PDE4D: variants seen among roughly 807,000 people sequenced by gnomAD.
PDE4D encodes phosphodiesterase 4D, also known as 3',5'-cyclic-AMP phosphodiesterase 4D.
PDE4D carries 24 observed loss-of-function variants against 87.4 expected under a neutral mutation model. The observed-to-expected ratio is 0.27, with a 90% CI of 0.20 to 0.39. The LOEUF (loss-of-function observed/expected upper bound fraction) is 0.39, where lower values mean the gene tolerates loss of function less well. PDE4D is among the 10% of genes least tolerant of loss of function. The pLI is 1.00. For missense variants in PDE4D, 714 were observed against 1,041.0 expected (o/e 0.69, Z 4.32); for synonymous variants, 384 against 383.2 (o/e 1.00, Z -0.02).
At position 59,680,108 on chromosome 5, in the gene PDE4D, C is replaced by T. The variant is rs377031810; in HGVS notation, c.455+213060G>A. On this transcript the variant is annotated intron_variant, in intron 1 of 14. Coordinates refer to ENST00000340635, the MANE Select transcript of PDE4D (RefSeq NM_001104631.2). The stretch of plus-strand genomic sequence containing the variant: ...TTAATTCCTTTTTTGAAACAAAAAG[C>T]ATAAAAAATACATAATTAATGGCAT... Among the ~76,000 whole-genome samples, 29 of 152,138 alleles carry T rather than the reference C, an allele frequency of 1.9e-4. No individual in the cohort carries two copies. In the East Asian group the frequency reaches 2.9e-3, roughly 15 times the overall value.
At position 59,623,024 on chromosome 5, in the gene PDE4D, T is replaced by C. The variant is rs1265296836; in HGVS notation, c.455+270144A>G. Among the ~76,000 whole-genome samples, 4 of 152,222 alleles carry C rather than the reference T, an allele frequency of 2.6e-5. No homozygotes were observed. In the South Asian group the frequency reaches 6.2e-4, roughly 24 times the overall value. On this transcript the variant is annotated intron_variant, in intron 1 of 14. Coordinates refer to ENST00000340635, the MANE Select transcript of PDE4D (RefSeq NM_001104631.2). ...ATGATGACACTGATTGTGAGATGCATTATTAATTGCTTAATGGTTTTTCAG... is the reference window on the plus strand; with the variant it reads ...ATGATGACACTGATTGTGAGATGCACTATTAATTGCTTAATGGTTTTTCAG...
intron 1 of PDE4D, among the ~76,000 whole-genome samples, chr5:60,358,906 G>C (rs545243134): frequency 6.6e-6 from 1 of 152,258 alleles, no homozygotes; most frequent in East Asian, 1.9e-4. Context: ...ACAAACAGAA[G>C]CAAGTTTTTA....
intron 1 of PDE4D, among the ~76,000 whole-genome samples, chr5:59,682,318 C>T (rs1220096214): frequency 6.6e-6 from 1 of 152,102 alleles, no homozygotes; most frequent in African/African-American, 2.4e-5. Context: ...ACCACTTGAA[C>T]TAAATGATCA....
intron 1 of PDE4D, among the ~76,000 whole-genome samples, chr5:59,690,140 G>T (rs1364332948): frequency 1.3e-5 from 2 of 152,114 alleles, no homozygotes; most frequent in Admixed American, 1.3e-4. Context: ...TGGCCACACT[G>T]CCCAAGGTAA....
chr5:59,156,995 C>A (rs1780334734), intron 5 of PDE4D: 2 of 208,936 alleles, frequency 9.6e-6, no homozygotes, highest in South Asian at 2.5e-4. Context: ...AAAGTCAAAT[C>A]TTGGATTTCT....
At chr5:59,323,982 C>T (rs148568259) in intron 1 of PDE4D, among the ~76,000 whole-genome samples, 2 of 152,218 alleles carry the variant, frequency 1.3e-5, no homozygotes, top group African/African-American at 4.8e-5. Context: ...AATTTTTCTG[C>T]ATCTCCCCAA....
intron 1 of PDE4D, among the ~76,000 whole-genome samples, chr5:59,224,478 T>C (rs1055076858): frequency 6.6e-6 from 1 of 152,138 alleles, no homozygotes; most frequent in Admixed American, 6.6e-5. Flanking sequence ...TAGCATGAGT[T>C]TGATGTCTGG....
intron 1 of PDE4D, among the ~76,000 whole-genome samples, chr5:59,504,161 G>A (rs186578567): frequency 3.3e-5 from 5 of 152,190 alleles, no homozygotes; most frequent in Admixed American, 3.3e-4. Context: ...ATTAACACTT[G>A]GCCTATGAGA....
chr5:58,980,182 T>C lies in PDE4D; in HGVS notation c.1553-2837A>G, dbSNP rs576640073. Among the ~76,000 whole-genome samples the C allele has an allele frequency of 5.3e-5, 8 of 152,306 alleles. No individual in the cohort carries two copies. The East Asian group carries it at 1.4e-3, about 26-fold the overall frequency. On this transcript the variant is annotated intron_variant, in intron 11 of 14. Transcript: ENST00000340635. ...TGTGTCCTTGGGATAGGCTGGGGGA[T>C]AGAAAATGTCCCTTGGGGACATCTT...
At chr5:60,381,364 G>A (rs1395235760) in intron 1 of PDE4D, among the ~76,000 whole-genome samples, 1 of 152,212 alleles carries the variant, frequency 6.6e-6, no homozygotes, top group East Asian at 1.9e-4. Flanking sequence ...AAAACTTTTA[G>A]AAGCTTGCAC....
chr5:59,491,856 C>T (rs1806269595), intron 1 of PDE4D, among the ~76,000 whole-genome samples: 1 of 152,146 alleles, frequency 6.6e-6, no homozygotes, highest in Admixed American at 6.5e-5. Context: ...GTTGCCCAGG[C>T]AAGAAGCAGA....
chr5:60,262,818 G>T (rs528780090), intron 1 of PDE4D, among the ~76,000 whole-genome samples: 3 of 152,090 alleles, frequency 2.0e-5, no homozygotes, highest in African/African-American at 7.2e-5. Flanking sequence ...TCACACTAAG[G>T]GTGGGGATAG....
intron 1 of PDE4D, among the ~76,000 whole-genome samples, chr5:60,432,409 T>C (rs546147555): frequency 2.0e-5 from 3 of 152,306 alleles, no homozygotes; most frequent in Admixed American, 1.3e-4. Context: ...TGGTAGCCTT[T>C]TTATTACTGA....
chr5:60,039,654 A>G (rs1341328381), intron 2 of PDE4D, among the ~76,000 whole-genome samples: 1 of 152,164 alleles, frequency 6.6e-6, no homozygotes, highest in African/African-American at 2.4e-5. Flanking sequence ...TTAGGACCCA[A>G]CTACATCTGT....
At chr5:59,564,624 G>C (rs1404415894) in intron 1 of PDE4D, among the ~76,000 whole-genome samples, 1 of 152,160 alleles carries the variant, frequency 6.6e-6, no homozygotes, top group Non-Finnish European at 1.5e-5. Context: ...TGGAAGAACT[G>C]ACCAGAAGAG....
intron 1 of PDE4D, among the ~76,000 whole-genome samples, chr5:60,519,908 C>A (rs1004088417): frequency 6.6e-6 from 1 of 152,112 alleles, no homozygotes; most frequent in Non-Finnish European, 1.5e-5. Context: ...CAATCCACTG[C>A]CAGTGAAAGA....
intron 1 of PDE4D, among the ~76,000 whole-genome samples, chr5:60,207,252 T>A (rs765301392): frequency 3.9e-5 from 6 of 152,206 alleles, no homozygotes; most frequent in Non-Finnish European, 7.3e-5. Context: ...GAGGATTTGT[T>A]ACAGGCAGCT....
At chr5:60,279,421 C>T (rs1751676868) in intron 1 of PDE4D, among the ~76,000 whole-genome samples, 1 of 152,148 alleles carries the variant, frequency 6.6e-6, no homozygotes, top group African/African-American at 2.4e-5. Flanking sequence ...TTTTCTGACA[C>T]TATCCCAGTG....
chr5:60,140,554 A>G (rs1229934552), intron 2 of PDE4D, among the ~76,000 whole-genome samples: 7 of 150,136 alleles, frequency 4.7e-5, no homozygotes, highest in Admixed American at 2.0e-4. Context: ...AAAAGGAGAA[A>G]AAAAAAAAAA....
Sources: allele counts gnomAD v4.1 joint callset (sites outside exome capture counted in the v4.1 genomes callset), GRCh38; gene constraint gnomAD v4.1.1; transcripts MANE v1.5; gene names NCBI Gene and HGNC (gene_info 2026-07-23, HGNC 2026-07-21).